Variants in ABCA5 observed in about 807,000 individuals in gnomAD.
ABCA5 encodes the protein cholesterol transporter ABCA5.
In ABCA5, 163 loss-of-function variants were observed where a neutral mutation model predicts 206.0. The observed-to-expected ratio is 0.79, with a 90% CI of 0.70 to 0.90. The LOEUF (loss-of-function observed/expected upper bound fraction) is 0.90, where lower values mean the gene tolerates loss of function less well. Among genes scored for constraint, ABCA5 ranks in the 40% least tolerant of loss-of-function variants. ABCA5 has a pLI of 0.00. For synonymous variants in ABCA5, 609 were observed against 613.8 expected (o/e 0.99, Z 0.11); for missense variants, 1,859 against 1,912.9 (o/e 0.97, Z 0.53).
At position 69,264,899 on chromosome 17, in the gene ABCA5, C is replaced by T; in HGVS notation, c.3151G>A (p.Ala1051Thr). Residue 1051 changes from alanine to threonine, a missense_variant, in exon 24 of 39, where the codon GCT becomes ACT. Physicochemically the swap from Ala to Thr is moderately conservative, Grantham distance 58 (BLOSUM62 0). Coordinates refer to ENST00000392676, the MANE Select transcript of ABCA5 (RefSeq NM_172232.4). Reference sequence around the variant, plus strand: ...CCTGAAAGTTTAAGTTGAGTATAAGCTTTGATCTAAAAAAAATGAAAAACA... The same window carrying T: ...CCTGAAAGTTTAAGTTGAGTATAAGTTTTGATCTAAAAAAAATGAAAAACA... ...MENAENHKIK[A>T]YTQLKLSGLL... 6.7e-7 allele frequency: 1 copy of T among 1,496,808 alleles called. No individual in the cohort carries two copies. The highest frequency in any genetic ancestry group is 8.9e-7 in the Non-Finnish European group (1 of 1,127,810). 92.7% of individuals were successfully genotyped at this position (1,496,808 alleles called of 1,614,324 possible).
intron 23 of ABCA5, among the ~76,000 whole-genome samples, chr17:69,265,891 A>G (rs1198370682): frequency 1.3e-5 from 2 of 152,206 alleles, no homozygotes; most frequent in Admixed American, 6.5e-5. Flanking sequence ...ATTTCTTATA[A>G]AATTAACATG....
Position 69,259,719 on chromosome 17 carries a change from C to A in ABCA5, c.3718G>T (p.Asp1240Tyr). Reference sequence around the variant, plus strand: ...AAATCAACTGACCTGAAAAAGGGATCTTTTCTTATTGATCTGCCTCCATAT... The same window carrying A: ...AAATCAACTGACCTGAAAAAGGGATATTTTCTTATTGATCTGCCTCCATAT... The part of the protein sequence containing the change: ...KKYGGRSIRK[D>Y]PFFRNLSTKS... Residue 1240 changes from aspartate to tyrosine, a missense_variant, in exon 28 of 39, where the codon GAT becomes TAT. Coordinates refer to ENST00000392676, the MANE Select transcript of ABCA5 (RefSeq NM_172232.4). 1 of 1,602,866 alleles carries A rather than the reference C, an allele frequency of 6.2e-7. No individual in the cohort carries two copies. The highest frequency in any genetic ancestry group is 8.5e-7 in the Non-Finnish European group (1 of 1,172,030).
chr17:69,287,520 C>A, intron 15 of ABCA5, 93 bp downstream of exon 15: 4 of 1,413,834 alleles, frequency 2.8e-6, no homozygotes, highest in African/African-American at 1.5e-5. Context: ...TAGGTAAAAG[C>A]TTCTCTATTT....
intron 21 of ABCA5, 85 bp downstream of exon 21, chr17:69,271,077 A>T: frequency 6.8e-7 from 1 of 1,479,016 alleles, no homozygotes; most frequent in Non-Finnish European, 9.0e-7. Flanking sequence ...TCATAAGGTC[A>T]AATCAACAAA....
intron 18 of ABCA5, 88 bp downstream of exon 18, chr17:69,283,865 A>AC: frequency 7.5e-7 from 1 of 1,334,570 alleles, no homozygotes; most frequent in Non-Finnish European, 1.0e-6. Flanking sequence ...ATTCTAAAAA[A>AC]AATATAAAAT....
At position 69,246,843 on chromosome 17, in the gene ABCA5, C is replaced by T. The variant is rs1209193177; in HGVS notation, c.*694G>A. 6.6e-6 allele frequency: 1 copy of T among 151,898 alleles called. No individual in the cohort carries two copies. Among genetic ancestry groups the T allele is most frequent in the Non-Finnish European group, 1.5e-5 (1 of 67,808 alleles). The allele number at this position is 151,898 out of a possible 1,614,324, so 9.4% of individuals were successfully genotyped here. A position where few individuals can be genotyped will look rare whatever the true frequency, so the allele number is the denominator to read the frequency against. ...ACGTAAGATTCTACACACAGTCTTCCTTTAATTATAATAACTAAAACCTTC... is the reference window on the plus strand; with the variant it reads ...ACGTAAGATTCTACACACAGTCTTCTTTTAATTATAATAACTAAAACCTTC... On this transcript the variant is annotated 3_prime_UTR_variant, in exon 39 of 39. Transcript: ENST00000392676.
intron 1 of ABCA5, among the ~76,000 whole-genome samples, chr17:69,321,852 T>C (rs1418645366): frequency 2.0e-5 from 3 of 152,078 alleles, no homozygotes; most frequent in Admixed American, 2.0e-4. Context: ...AATAATTAGG[T>C]GAGTTTTAAA....
rs190948049 is a variant in ABCA5 at position 69,293,095 on chromosome 17, G to A, written c.1495+1560C>T. 4.6e-5 allele frequency among the ~76,000 whole-genome samples: 7 copies of A among 152,158 alleles called. No individual in the cohort carries two copies. In the East Asian group the frequency reaches 1.3e-3, roughly 29 times the overall value. ...GAGACATTTTTGGTTGTTACAACTG[G>A]GAGAGGATGTTTAGCAGTGTGCCAG... On this transcript the variant is annotated intron_variant, in intron 11 of 38. Transcript: ENST00000392676.
At chr17:69,323,090 G>A (rs1234566243) in intron 1 of ABCA5, among the ~76,000 whole-genome samples, 1 of 152,176 alleles carries the variant, frequency 6.6e-6, no homozygotes, top group Non-Finnish European at 1.5e-5. Context: ...GTTCGGCACT[G>A]AAGGTTGACT....
chr17:69,320,953 G>A (rs1183803134), intron 1 of ABCA5, among the ~76,000 whole-genome samples: 4 of 152,134 alleles, frequency 2.6e-5, no homozygotes, highest in African/African-American at 7.2e-5. Flanking sequence ...TCGACAATTG[G>A]TCGAGAGATT....
rs1248344185 is a variant in ABCA5 at position 69,326,138 on chromosome 17, T to C, written c.-16+914A>G. On this transcript the variant is annotated intron_variant, in intron 1 of 38. Coordinates refer to ENST00000392676, the MANE Select transcript of ABCA5 (RefSeq NM_172232.4). This position sits in a 1 kb window ranked among gnomAD's most constrained non-coding sequence, Gnocchi z 4.8. Reference sequence around the variant, plus strand: ...TGGAATCTCAACTCCATCCTTTTACTAGCTGAGACCTTAATAAGTTACTTA... The same window carrying C: ...TGGAATCTCAACTCCATCCTTTTACCAGCTGAGACCTTAATAAGTTACTTA... Among the ~76,000 whole-genome samples, 1 of 152,104 alleles carries C rather than the reference T, an allele frequency of 6.6e-6. No individual in the cohort carries two copies. Among genetic ancestry groups the C allele is most frequent in the Non-Finnish European group, 1.5e-5 (1 of 68,024 alleles).
intron 2 of ABCA5, 81 bp from the exon 3 acceptor site, chr17:69,313,377 T>C (rs2075788421): frequency 1.6e-6 from 1 of 623,594 alleles, no homozygotes; most frequent in Non-Finnish European, 2.5e-6. Context: ...AATAATATAA[T>C]ACTAAGAAAA....
chr17:69,248,563 A>G (rs1428760318), intron 37 of ABCA5: 1 of 274,046 alleles, frequency 3.6e-6, no homozygotes, highest in African/African-American at 2.2e-5. Context: ...GTTCTCCTCC[A>G]TTATCTTTTT....
intron 19 of ABCA5, among the ~76,000 whole-genome samples, chr17:69,276,681 T>A (rs997048217): frequency 2.0e-5 from 3 of 152,054 alleles, no homozygotes; most frequent in African/African-American, 7.2e-5. Flanking sequence ...AGGGATAGCA[T>A]TAGGATAAAT....
At chr17:69,254,563 T>A in intron 31 of ABCA5, 73 bp from the exon 32 acceptor site, 1 of 1,182,324 alleles carries the variant, frequency 8.5e-7, no homozygotes, top group Non-Finnish European at 1.2e-6. Flanking sequence ...GTACATTAAT[T>A]AAAACCCCTT....
At chr17:69,298,203 ACCC>A (rs2075603595) in intron 9 of ABCA5, among the ~76,000 whole-genome samples, 1 of 111,026 alleles carries the variant, frequency 9.0e-6, no homozygotes, top group Non-Finnish European at 2.0e-5. Context: ...ACACAGCAAA[ACCC>A]TGTCGGAAGG....
At chr17:69,290,784 C>T (rs77643582) in intron 12 of ABCA5, among the ~76,000 whole-genome samples, 2,072 of 152,140 alleles carry the variant, frequency 0.014, 55 homozygotes, top group African/African-American at 0.048. Flanking sequence ...CAAAATTATA[C>T]TTTTGAGGTA....
rs145319033 is a variant in ABCA5, at chr17:69,322,837, T to C, written c.-16+4215A>G. ...CTGATTAAAAACATATCCATGTTTA[T>C]TTCTGTGAGAAACAAATTAAGATTA... On this transcript the variant is annotated intron_variant, in intron 1 of 38. Coordinates refer to ENST00000392676, the MANE Select transcript of ABCA5 (RefSeq NM_172232.4). Among the ~76,000 whole-genome samples, 421 of 152,356 alleles carry C rather than the reference T, an allele frequency of 2.8e-3. 7 individuals carry two copies. The highest frequency in any genetic ancestry group is 9.5e-3 in the African/African-American group (395 of 41,570).
At chr17:69,253,717 A>C in intron 33 of ABCA5, 50 bp from the exon 34 acceptor site, 1 of 1,585,368 alleles carries the variant, frequency 6.3e-7, no homozygotes, top group East Asian at 2.2e-5. Flanking sequence ...GTTCACTATA[A>C]GGAATCTATC....
Sources: gnomAD v4.1 joint callset for allele counts (sites outside exome capture counted in the v4.1 genomes callset) on GRCh38, gnomAD v4.1.1 for gene constraint, Gnocchi (gnomAD v3.1) non-coding constraint, MANE v1.5 for transcripts, NCBI Gene and HGNC (gene_info 2026-07-23, HGNC 2026-07-21) for gene names.